HSP90AA1: variants seen among roughly 807,000 people sequenced by gnomAD.
The protein encoded by HSP90AA1 is heat shock protein 90 alpha family class A member 1.
Under a neutral mutation model 73.3 loss-of-function variants are expected in HSP90AA1, and 18 were observed. The ratio of observed to expected loss-of-function variants is 0.25; its 90% CI spans 0.17 to 0.36. The LOEUF (loss-of-function observed/expected upper bound fraction) is 0.36, where lower values mean the gene tolerates loss of function less well. Ranked by LOEUF, HSP90AA1 falls within the 10% of genes least tolerant of loss-of-function variation. The probability of loss-of-function intolerance (pLI) is 1.00; values close to 1 mark genes in which losing one functional copy is unlikely to be tolerated. For synonymous variants in HSP90AA1, 477 were observed against 296.9 expected, an observed-to-expected ratio of 1.61 and a Z score of -6.24; for missense variants, 704 against 874.2, an observed-to-expected ratio of 0.81 and a Z score of 2.45.
intron 2 of HSP90AA1, among the ~76,000 whole-genome samples, chr14:102,100,909 A>G (rs2049484299): frequency 6.6e-6 from 1 of 152,232 alleles, no homozygotes; most frequent in South Asian, 2.1e-4. Context: ...TCAAAGACGT[A>G]TAAACTCTGA....
intron 1 of HSP90AA1, among the ~76,000 whole-genome samples, chr14:102,124,190 A>ATTTTTTTTTTTTTTTTTTTTTTTTTTTTT (rs35232557): frequency 7.8e-6 from 1 of 128,140 alleles, no homozygotes; most frequent in Non-Finnish European, 1.6e-5. Flanking sequence ...TTGAATGCTA[A>ATTTTTTTTTTTTTTTTTTTTTTTTTTTTT]TTTTTTTTTT....
At chr14:102,129,590 C>T (rs1416490904) in intron 1 of HSP90AA1, among the ~76,000 whole-genome samples, 1 of 151,840 alleles carries the variant, frequency 6.6e-6, no homozygotes, top group African/African-American at 2.4e-5. Flanking sequence ...GCAGCCTCCG[C>T]CTCCCGGGTT....
chr14:102,101,540 C>T (rs551216819), intron 2 of HSP90AA1, among the ~76,000 whole-genome samples: 3 of 152,324 alleles, frequency 2.0e-5, no homozygotes, highest in South Asian at 2.1e-4. Context: ...GTGCTCAAGG[C>T]GCAGCTCACA....
At chr14:102,119,653 T>C (rs1037744474) in intron 1 of HSP90AA1, among the ~76,000 whole-genome samples, 1 of 152,136 alleles carries the variant, frequency 6.6e-6, no homozygotes, top group Non-Finnish European at 1.5e-5. Flanking sequence ...CATGCCTGGC[T>C]AATTTTTGTA....
intron 1 of HSP90AA1, among the ~76,000 whole-genome samples, chr14:102,134,343 AAAG>A (rs2049951982): frequency 1.3e-5 from 2 of 150,716 alleles, no homozygotes. Flanking sequence ...AAAAAAAAAA[AAAG>A]GATGACAGTA....
chr14:102,083,427 T>C, intron 8 of HSP90AA1, 119 bp downstream of exon 8: 1 of 1,417,984 alleles, frequency 7.1e-7, no homozygotes, highest in East Asian at 2.3e-5. Flanking sequence ...TAGTTCATGT[T>C]AATTATCTTG....
rs2152612827 is a variant in HSP90AA1, at chr14:102,085,777, G to A, written c.510C>T (p.Phe170=). 1 of 1,613,934 alleles carries A rather than the reference G, an allele frequency of 6.2e-7. No individual in the cohort carries two copies. Among genetic ancestry groups the A allele is most frequent in the Non-Finnish European group, 8.5e-7 (1 of 1,179,862 alleles). The change falls in exon 3 of 11, where the codon TTC becomes TTT. Residue 170 remains phenylalanine (F), a synonymous_variant. Transcript: ENST00000216281. ...YAWESSAGGS[F]TVRTDTGEPM... ...GCCTACCTGTGTCTGTCCTCACTGT[G>A]AATGATCCCCCTGCTGAGGACTCCC...
rs550918482 is a variant in HSP90AA1 at position 102,086,791 on chromosome 14, C to G, written c.-1+195G>C. Among the ~76,000 whole-genome samples the G allele has an allele frequency of 1.6e-4, 24 of 151,816 alleles. 1 individual carries two copies. The South Asian group carries it at 5.0e-3, about 31-fold the overall frequency. On this transcript the variant is annotated intron_variant, in intron 1 of 10. Coordinates refer to ENST00000216281, the MANE Select transcript of HSP90AA1 (RefSeq NM_005348.4). ...AGAGCCTCGGGGAGCCCGCGGCCGCCCGGCCCATTCCTGAAGCGGGGTGCG... is the reference window on the plus strand; with the variant it reads ...AGAGCCTCGGGGAGCCCGCGGCCGCGCGGCCCATTCCTGAAGCGGGGTGCG...
chr14:102,103,176 G>T lies in HSP90AA1; in HGVS notation c.156-1091C>A, dbSNP rs141558681. ...AGCCTGGGCAGCAGAGCGAGACTCAGTCTCAAAAAAAAAAAAAAAAAAAAA... is the reference window on the plus strand; with the variant it reads ...AGCCTGGGCAGCAGAGCGAGACTCATTCTCAAAAAAAAAAAAAAAAAAAAA... On this transcript the variant is annotated intron_variant, in intron 1 of 11. Transcript: ENST00000334701. Among the ~76,000 whole-genome samples, 620 of 93,774 alleles carry T rather than the reference G, an allele frequency of 6.6e-3. 8 individuals carry two copies. The highest frequency in any genetic ancestry group is 0.025 in the African/African-American group (572 of 22,664). The allele number at this position is 93,774 out of a possible 152,430, so 61.5% of individuals were successfully genotyped here. A position where few individuals can be genotyped will look rare whatever the true frequency, so the allele number is the denominator to read the frequency against.
chr14:102,088,669 G>T (rs1242877919), upstream of HSP90AA1, among the ~76,000 whole-genome samples: 1 of 152,158 alleles, frequency 6.6e-6, no homozygotes, highest in African/African-American at 2.4e-5. Flanking sequence ...GCTGCAGCCT[G>T]GACTGGCGGG....
At chr14:102,089,748 C>G (rs2049328369), upstream of HSP90AA1, among the ~76,000 whole-genome samples, 1 of 152,098 alleles carries the variant, frequency 6.6e-6, no homozygotes, top group Admixed American at 6.6e-5. Flanking sequence ...CACTGACTAT[C>G]CCACCTTAAA....
At chr14:102,087,363 G>A (rs1207068766), upstream of HSP90AA1, among the ~76,000 whole-genome samples, 2 of 151,484 alleles carry the variant, frequency 1.3e-5, no homozygotes, top group African/African-American at 4.8e-5. Flanking sequence ...GGCCGCCCGC[G>A]CCCTCCGCCC....
chr14:102,111,847 G>T (rs918421003), intron 1 of HSP90AA1, among the ~76,000 whole-genome samples: 1 of 152,170 alleles, frequency 6.6e-6, no homozygotes, highest in Admixed American at 6.5e-5. Context: ...TAGCATAAAA[G>T]AGCTTTTTTT....
At chr14:102,122,303 C>G (rs1278400955) in intron 1 of HSP90AA1, among the ~76,000 whole-genome samples, 2 of 122,854 alleles carry the variant, frequency 1.6e-5, no homozygotes, top group Non-Finnish European at 3.3e-5. Context: ...TTTTTTTTGA[C>G]GGAGTCTCGC....
intron 9 of HSP90AA1, 147 bp downstream of exon 9, chr14:102,082,886 TG>T: frequency 1.3e-6 from 1 of 798,884 alleles, no homozygotes; most frequent in Non-Finnish European, 2.2e-6. Flanking sequence ...CCCAAAGTGC[TG>T]GGATTGCAGG....
At chr14:102,084,016 AT>A in intron 6 of HSP90AA1, 33 bp from the exon 7 acceptor site, 1 of 1,523,238 alleles carries the variant, frequency 6.6e-7, no homozygotes, top group Admixed American at 1.7e-5. Context: ...GCACTGAGTC[AT>A]TCCAAGGACA....
At chr14:102,139,510 G>A (rs2050194214) in exon 1 of HSP90AA1, 1 of 1,239,864 alleles carries the variant, frequency 8.1e-7, no homozygotes, top group East Asian at 2.6e-5. Context: ...AGGGCAGGGC[G>A]GGAGACCGCT....
At position 102,081,683 on chromosome 14, in the gene HSP90AA1, G is replaced by C. The variant is rs377540509; in HGVS notation, c.*29C>G. The C allele has an allele frequency of 2.2e-6, 2 of 898,836 alleles. No individual in the cohort carries two copies. The highest frequency in any genetic ancestry group is 3.3e-5 in the African/African-American group (2 of 61,250). 55.7% of individuals were successfully genotyped at this position (898,836 alleles called of 1,614,324 possible). ...ATTATCAGAGGAATTGTAGAGTACT[G>C]AACAGGTAAGTCATCCCTCAGCCAG... On this transcript the variant is annotated 3_prime_UTR_variant, in exon 11 of 11. Coordinates refer to ENST00000216281, the MANE Select transcript of HSP90AA1 (RefSeq NM_005348.4).
chr14:102,090,321 T>G (rs1301336408), upstream of HSP90AA1, among the ~76,000 whole-genome samples: 1 of 152,218 alleles, frequency 6.6e-6, no homozygotes, highest in Admixed American at 6.5e-5. Context: ...CAGAATGTGG[T>G]GCCCTCTCCT....
Sources: gnomAD v4.1 joint callset for allele counts (sites outside exome capture counted in the v4.1 genomes callset) on GRCh38, gnomAD v4.1.1 for gene constraint, MANE v1.5 for transcripts, NCBI Gene and HGNC (gene_info 2026-07-23, HGNC 2026-07-21) for gene names.